The following ROBO3 variants were observed in gnomAD, a reference collection of about 807,000 sequenced individuals.
ROBO3 encodes roundabout guidance receptor 3, also known as roundabout homolog 3.
Under a neutral mutation model 160.5 loss-of-function variants are expected in ROBO3, and 97 were observed. That is an observed-to-expected ratio of 0.60 (90% CI 0.51 to 0.72). The LOEUF (loss-of-function observed/expected upper bound fraction) is 0.72, where lower values mean the gene tolerates loss of function less well. Ranked by LOEUF, ROBO3 falls within the 30% of genes least tolerant of loss-of-function variation. The pLI is 0.00. For synonymous variants in ROBO3, 780 were observed against 746.2 expected, an observed-to-expected ratio of 1.05 and a Z score of -0.74; for missense variants, 1,858 against 1,846.5, an observed-to-expected ratio of 1.01 and a Z score of -0.11.
chr11:124,875,614 A>C lies in ROBO3; in HGVS notation c.2350A>C (p.Asn784His), dbSNP rs1315117391. The C allele has an allele frequency of 6.2e-7, 1 of 1,611,566 alleles. No homozygotes were observed. Among genetic ancestry groups the C allele is most frequent in the Admixed American group, 1.7e-5 (1 of 59,338 alleles). Residue 784 changes from asparagine (N) to histidine (H), a missense_variant, in exon 15 of 28, where the codon AAC becomes CAC. Asn to His is a moderately conservative substitution (Grantham distance 68, BLOSUM62 1). Coordinates refer to ENST00000397801, the MANE Select transcript of ROBO3 (RefSeq NM_022370.4). Reference protein sequence around the residue: ...GVAVALGGDGNSSITVSWEPP... With the variant: ...GVAVALGGDGHSSITVSWEPP... The stretch of plus-strand genomic sequence containing the variant: ...GGCGGTGGCCTTGGGGGGTGATGGC[A>C]ACAGCAGTATCACTGTGTCCTGGGA...
chr11:124,880,063 G>C (rs1237195245), intron 26 of ROBO3, 115 bp downstream of exon 26: 1 of 1,068,524 alleles, frequency 9.4e-7, no homozygotes, highest in Admixed American at 2.8e-5. Flanking sequence ...TCATGCATTT[G>C]ATCCACATCA....
At position 124,869,687 on chromosome 11, in the gene ROBO3, T is replaced by C; in HGVS notation, c.645+80T>C. ...GAGGTGACAAGGCTGGAGATTGAGATCAGGGCATTAGCTAACCAGAGACTA... is the reference window on the plus strand; with the variant it reads ...GAGGTGACAAGGCTGGAGATTGAGACCAGGGCATTAGCTAACCAGAGACTA... On this transcript the variant is annotated intron_variant, in intron 3 of 27. Coordinates refer to ENST00000397801, the MANE Select transcript of ROBO3 (RefSeq NM_022370.4). This position sits in a 1 kb window ranked among gnomAD's most constrained non-coding sequence, Gnocchi z 4.2. 7.0e-7 allele frequency: 1 copy of C among 1,432,130 alleles called. No individual in the cohort carries two copies. The highest frequency in any genetic ancestry group is 9.4e-7 in the Non-Finnish European group (1 of 1,064,204). 88.7% of individuals were successfully genotyped at this position (1,432,130 alleles called of 1,614,324 possible). A position where few individuals can be genotyped will look rare whatever the true frequency, so the allele number is the denominator to read the frequency against.
chr11:124,880,301 C>G, intron 26 of ROBO3, 117 bp from the exon 27 acceptor site: 1 of 1,488,008 alleles, frequency 6.7e-7, no homozygotes, highest in Non-Finnish European at 9.0e-7. Flanking sequence ...TGGCTGAGCC[C>G]TGTGCCTGCC....
rs1946249394 is a variant in ROBO3 at position 124,869,434 on chromosome 11, C to CCT, written c.488-15_488-14insTC. On this transcript the variant is annotated splice_polypyrimidine_tract_variant and intron_variant, in intron 2 of 27. Transcript: ENST00000397801. This position sits in a 1 kb window ranked among gnomAD's most constrained non-coding sequence, Gnocchi z 4.2. ...CTCTACACCCTGCTTATTTCGCCCCCCACCGCCCCGCCCAGTCCTCCGTGA... is the reference window on the plus strand; with the variant it reads ...CTCTACACCCTGCTTATTTCGCCCCCCTCACCGCCCCGCCCAGTCCTCCGTGA... 1.5e-6 allele frequency: 2 copies of CCT among 1,358,182 alleles called. No individual in the cohort carries two copies. The highest frequency in any genetic ancestry group is 1.6e-5 in the African/African-American group (1 of 64,430). The allele number at this position is 1,358,182 out of a possible 1,614,324, so 84.1% of individuals were successfully genotyped here. A position where few individuals can be genotyped will look rare whatever the true frequency, so the allele number is the denominator to read the frequency against.
Position 124,869,049 on chromosome 11 carries a change from G to A in ROBO3, c.408G>A (p.Pro136=), listed in dbSNP as rs771701205. Residue 136 remains proline, a synonymous_variant, in exon 2 of 28, where the codon CCG becomes CCA. Transcript: ENST00000397801. The surrounding 1 kb of genome is among the most constrained non-coding windows in gnomAD (Gnocchi z 4.2). The stretch of plus-strand genomic sequence containing the variant: ...TCGTGCACGGGCGCCGCGCGCGGCC[G>A]GACGAAGGTGTCTACACTTGCGTGG... ...PRIVHGRRAR[P]DEGVYTCVAR... is the part of the protein sequence containing the mutation. 4.4e-6 allele frequency: 7 copies of A among 1,602,710 alleles called. No individual in the cohort carries two copies. Among genetic ancestry groups the A allele is most frequent in the Admixed American group, 3.4e-5 (2 of 58,626 alleles).
chr11:124,873,575 A>G lies in ROBO3; in HGVS notation c.1619-122A>G. On this transcript the variant is annotated intron_variant, in intron 10 of 27. Coordinates refer to ENST00000397801, the MANE Select transcript of ROBO3 (RefSeq NM_022370.4). The surrounding 1 kb of genome is among the most constrained non-coding windows in gnomAD (Gnocchi z 4.5). ...GGCAGATGTGAGTAGGGGTTCATATACTATAGCCCACTCTGACCATCACCG... is the reference window on the plus strand; with the variant it reads ...GGCAGATGTGAGTAGGGGTTCATATGCTATAGCCCACTCTGACCATCACCG... 1 of 1,034,380 alleles carries G rather than the reference A, an allele frequency of 9.7e-7. No individual in the cohort carries two copies. Among genetic ancestry groups the G allele is most frequent in the East Asian group, 2.6e-5 (1 of 38,660 alleles). 64.1% of individuals were successfully genotyped at this position (1,034,380 alleles called of 1,614,324 possible). A position where few individuals can be genotyped will look rare whatever the true frequency, so the allele number is the denominator to read the frequency against.
rs748904945 is a variant in ROBO3, at chr11:124,873,732, C to G, written c.1654C>G (p.Pro552Ala). 5 of 1,613,794 alleles carry G rather than the reference C, an allele frequency of 3.1e-6. No homozygotes were observed. The highest frequency in any genetic ancestry group is 2.7e-5 in the African/African-American group (2 of 75,012). The change falls in exon 11 of 28, where the codon CCC becomes GCC. Residue 552 changes from proline to alanine, a missense_variant. Pro to Ala is a conservative substitution (Grantham distance 27). Transcript: ENST00000397801. This position sits in a 1 kb window ranked among gnomAD's most constrained non-coding sequence, Gnocchi z 4.5. The stretch of plus-strand genomic sequence containing the variant: ...AGTATCACCAGACCCCCCTACAGAA[C>G]CCAGTTCCCCTCCGGGGGCTCCCTC... ...WGVSPDPPTE[P>A]SSPPGAPSQP...
At chr11:124,877,456 C>G (rs1946416280) in intron 19 of ROBO3, 63 bp from the exon 20 acceptor site, 4 of 1,599,504 alleles carry the variant, frequency 2.5e-6, no homozygotes, top group Non-Finnish European at 3.4e-6. Flanking sequence ...ATATCGCCAC[C>G]TCCCTTTCCT....
intron 13 of ROBO3, 52 bp downstream of exon 13, chr11:124,874,961 T>C (rs1322483384): frequency 1.1e-5 from 17 of 1,576,522 alleles, no homozygotes; most frequent in Non-Finnish European, 1.3e-5. Flanking sequence ...ATGAGGCACA[T>C]GAGGGCCTCC....
chr11:124,866,748 A>C (rs1946202354), intron 1 of ROBO3, among the ~76,000 whole-genome samples: 1 of 152,076 alleles, frequency 6.6e-6, no homozygotes, highest in Non-Finnish European at 1.5e-5. Context: ...GTAGAGGGGG[A>C]AATTCCAGGG....
Position 124,878,166 on chromosome 11 carries a change from T to TGACCA in ROBO3, c.3181+37_3181+41dup. ...CAACTCCTGAAACCCCGTTTAGCCC[T>TGACCA]GACCAGGGTATCCCCAAAGAGGATC... On this transcript the variant is annotated intron_variant, in intron 21 of 27. Coordinates refer to ENST00000397801, the MANE Select transcript of ROBO3 (RefSeq NM_022370.4). The surrounding 1 kb of genome is among the most constrained non-coding windows in gnomAD (Gnocchi z 4.3). The TGACCA allele has an allele frequency of 6.3e-7, 1 of 1,579,762 alleles. No individual in the cohort carries two copies. Among genetic ancestry groups the TGACCA allele is most frequent in the East Asian group, 2.3e-5 (1 of 44,082 alleles).
At chr11:124,870,780 G>A in intron 6 of ROBO3, 52 bp downstream of exon 6, 1 of 1,594,294 alleles carries the variant, frequency 6.3e-7, no homozygotes, top group Non-Finnish European at 8.5e-7. Context: ...GAGGGGAGAA[G>A]GAGGATGGTT....
chr11:124,879,643 C>T, intron 25 of ROBO3, 68 bp downstream of exon 25: 5 of 1,524,072 alleles, frequency 3.3e-6, no homozygotes, highest in Non-Finnish European at 4.5e-6. Context: ...ACCAAGGGTG[C>T]ACTCTGGGGG....
rs779678353 is a variant in ROBO3, at chr11:124,873,039, C to T, written c.1486C>T (p.Leu496Phe). 20 of 1,613,850 alleles carry T rather than the reference C, an allele frequency of 1.2e-5. No homozygotes were observed. The highest frequency in any genetic ancestry group is 2.2e-5 in the East Asian group (1 of 44,898). Residue 496 changes from leucine (L) to phenylalanine (F), a missense_variant, in exon 9 of 28, where the codon CTC becomes TTC. By Grantham distance (22) the Leu-to-Phe change is conservative. Coordinates refer to ENST00000397801, the MANE Select transcript of ROBO3 (RefSeq NM_022370.4). This position sits in a 1 kb window ranked among gnomAD's most constrained non-coding sequence, Gnocchi z 4.5. ...KDGQWLQGDD[L>F]QFKTMANGTL... Reference sequence around the variant, plus strand: ...TGGGCAGTGGCTGCAGGGGGATGACCTCCAGTTCAAGACAATGGCCAACGG... The same window carrying T: ...TGGGCAGTGGCTGCAGGGGGATGACTTCCAGTTCAAGACAATGGCCAACGG...
chr11:124,876,775 G>A lies in ROBO3; in HGVS notation c.2779+315G>A. Reference sequence around the variant, plus strand: ...GACGGAAAGCCCACTCAAAGGGCGGGGGGCGGGGCCTGGCAAGAGGGGGTG... The same window carrying A: ...GACGGAAAGCCCACTCAAAGGGCGGAGGGCGGGGCCTGGCAAGAGGGGGTG... On this transcript the variant is annotated intron_variant, in intron 17 of 27. Transcript: ENST00000397801. This position sits in a 1 kb window ranked among gnomAD's most constrained non-coding sequence, Gnocchi z 5.3. 1 of 393,210 alleles carries A rather than the reference G, an allele frequency of 2.5e-6. No individual in the cohort carries two copies. Among genetic ancestry groups the A allele is most frequent in the Non-Finnish European group, 4.6e-6 (1 of 217,596 alleles). 24.4% of individuals were successfully genotyped at this position (393,210 alleles called of 1,614,324 possible).
intron 18 of ROBO3, 22 bp from the exon 19 acceptor site, chr11:124,877,245 T>C (rs1447159152): frequency 1.2e-6 from 2 of 1,613,924 alleles, no homozygotes; most frequent in Non-Finnish European, 8.5e-7. Context: ...CTCTCACTCA[T>C]TCGCCCCCTC....
Position 124,872,999 on chromosome 11 carries a change from C to T in ROBO3, c.1446C>T (p.Val482=), listed in dbSNP as rs1353128983. ...TGACTGGGAACCCTCAACCCAGTGT[C>T]CGATGGAAGAAGGATGGGCAGTGGC... ...CRVTGNPQPS[V]RWKKDGQWLQ... The change falls in exon 9 of 28, where the codon GTC becomes GTT. Residue 482 remains valine (V), a synonymous_variant. Coordinates refer to ENST00000397801, the MANE Select transcript of ROBO3 (RefSeq NM_022370.4). The surrounding 1 kb of genome is among the most constrained non-coding windows in gnomAD (Gnocchi z 4.3). The T allele has an allele frequency of 6.2e-7, 1 of 1,613,876 alleles. No individual in the cohort carries two copies. Among genetic ancestry groups the T allele is most frequent in the African/African-American group, 1.3e-5 (1 of 75,030 alleles).
rs984631411 is a variant in ROBO3 at position 124,869,827 on chromosome 11, T to C, written c.646-121T>C. On this transcript the variant is annotated intron_variant, in intron 3 of 27. Coordinates refer to ENST00000397801, the MANE Select transcript of ROBO3 (RefSeq NM_022370.4). The surrounding 1 kb of genome is among the most constrained non-coding windows in gnomAD (Gnocchi z 4.2). ...ATGTGGGTCAACTTCCTTGGTCTCC[T>C]TTATCAGCTTGCTGTGAGGATCAAA... 7 of 1,417,532 alleles carry C rather than the reference T, an allele frequency of 4.9e-6. No homozygotes were observed. The African/African-American group carries it at 7.1e-5, about 14-fold the overall frequency. 87.8% of individuals were successfully genotyped at this position (1,417,532 alleles called of 1,614,324 possible).
chr11:124,877,462 T>C, intron 19 of ROBO3, 57 bp from the exon 20 acceptor site: 1 of 1,600,196 alleles, frequency 6.2e-7, no homozygotes, highest in Non-Finnish European at 8.5e-7. Flanking sequence ...CCACCTCCCT[T>C]TCCTTTGCTG....
Sources: allele counts gnomAD v4.1 joint callset (sites outside exome capture counted in the v4.1 genomes callset), GRCh38; gene constraint gnomAD v4.1.1; non-coding constraint Gnocchi (gnomAD v3.1); transcripts MANE v1.5; gene names NCBI Gene and HGNC (gene_info 2026-07-23, HGNC 2026-07-21).